LSAMP: variants seen among roughly 807,000 people sequenced by gnomAD.
LSAMP encodes limbic system associated membrane protein.
A neutral mutation model predicts 38.6 loss-of-function variants in LSAMP; 7 were observed. That is an observed-to-expected ratio of 0.18 (90% CI 0.10 to 0.34). LSAMP has a LOEUF of 0.34. Ranked by LOEUF, LSAMP falls within the 10% of genes least tolerant of loss-of-function variation. LSAMP has a pLI of 1.00. For missense variants in LSAMP, 313 were observed against 420.0 expected, an observed-to-expected ratio of 0.75 and a Z score of 2.23; for synonymous variants, 154 against 166.8, an observed-to-expected ratio of 0.92 and a Z score of 0.59.
At chr3:116,290,738 AAT>A (rs2047254611) in intron 1 of LSAMP, among the ~76,000 whole-genome samples, 6 of 48,186 alleles carry the variant, frequency 1.2e-4, no homozygotes, top group Non-Finnish European at 2.0e-4. Context: ...TCACAAAAAT[AAT>A]AATAATAATA....
At chr3:116,270,198 C>A (rs997170028) in intron 1 of LSAMP, among the ~76,000 whole-genome samples, 1 of 152,050 alleles carries the variant, frequency 6.6e-6, no homozygotes, top group Non-Finnish European at 1.5e-5. Flanking sequence ...TGTCATTGGT[C>A]AATTAGTCAC....
intron 1 of LSAMP, among the ~76,000 whole-genome samples, chr3:116,437,448 A>C (rs773004898): frequency 2.6e-5 from 4 of 152,162 alleles, no homozygotes; most frequent in Non-Finnish European, 5.9e-5. Context: ...AAGTGGAGGA[A>C]GGAAAACCCA....
intron 3 of LSAMP, among the ~76,000 whole-genome samples, chr3:115,994,783 AC>A (rs2107648255): frequency 6.6e-6 from 1 of 152,192 alleles, no homozygotes; most frequent in South Asian, 2.1e-4. Context: ...TAATCTGTGG[AC>A]TCAAAAGAAA....
At chr3:116,400,496 G>A (rs2048825035) in intron 1 of LSAMP, among the ~76,000 whole-genome samples, 1 of 114,078 alleles carries the variant, frequency 8.8e-6, no homozygotes, top group Non-Finnish European at 1.7e-5. Context: ...TTTCTTTCTT[G>A]AGGTGGAGTT....
chr3:115,842,320 A>C, intron 5 of LSAMP, 138 bp downstream of exon 5: 35 of 1,196,570 alleles, frequency 2.9e-5, no homozygotes, highest in Non-Finnish European at 4.0e-5. Context: ...GAATTTGATA[A>C]GAGATACTAA....
rs754156837 is a variant in LSAMP at position 116,086,521 on chromosome 3, C to A, written c.191G>T (p.Trp64Leu). The A allele has an allele frequency of 6.2e-7, 1 of 1,614,158 alleles. No homozygotes were observed. The highest frequency in any genetic ancestry group is 8.5e-7 in the Non-Finnish European group (1 of 1,180,022). Residue 64 changes from tryptophan to leucine, a missense_variant, in exon 2 of 7, where the codon TGG becomes TTG. Physicochemically the swap from Trp to Leu is moderately conservative, Grantham distance 61 (BLOSUM62 -2). Coordinates refer to ENST00000490035, the MANE Select transcript of LSAMP (RefSeq NM_002338.5). ...VVEDKNSKVA[W>L]LNRSGIIFAG... ...AAAAATGATGCCAGAACGGTTCAAC[C>A]AGGCCACCTTTGAGTTCTTGTCTTC...
intron 1 of LSAMP, among the ~76,000 whole-genome samples, chr3:116,288,734 TG>T (rs1038479114): frequency 6.6e-6 from 1 of 152,214 alleles, no homozygotes; most frequent in African/African-American, 2.4e-5. Flanking sequence ...TTCATTTTCC[TG>T]GCATAGACAG....
intron 6 of LSAMP, among the ~76,000 whole-genome samples, chr3:115,838,776 A>G (rs944515438): frequency 1.1e-4 from 16 of 152,222 alleles, no homozygotes; most frequent in South Asian, 2.1e-4. Flanking sequence ...GGAGATCAGT[A>G]TTTGAATAGA....
intron 3 of LSAMP, among the ~76,000 whole-genome samples, chr3:115,854,284 T>TTTTTTTTTA (rs1935433869): frequency 1.2e-5 from 1 of 85,042 alleles, no homozygotes; most frequent in African/African-American, 5.3e-5. Flanking sequence ...TTATTATTAT[T>TTTTTTTTTA]TTTTTTTTTT....
At chr3:115,830,076 C>G (rs1271260716) in intron 6 of LSAMP, among the ~76,000 whole-genome samples, 1 of 152,146 alleles carries the variant, frequency 6.6e-6, no homozygotes, top group Non-Finnish European at 1.5e-5. Flanking sequence ...TCCCATTTCA[C>G]AGTTGGAAAA....
intron 1 of LSAMP, among the ~76,000 whole-genome samples, chr3:116,155,233 G>GT (rs950397593): frequency 1.5e-4 from 23 of 151,220 alleles, no homozygotes; most frequent in South Asian, 1.0e-3. Context: ...GTTTTGTTTT[G>GT]TTTTTTTTGA....
chr3:116,075,551 T>TG (rs1028494530), intron 2 of LSAMP, among the ~76,000 whole-genome samples: 16 of 151,490 alleles, frequency 1.1e-4, no homozygotes, highest in African/African-American at 3.9e-4. Flanking sequence ...TATCGTTTTT[T>TG]TTTTTTTTTA....
chr3:116,113,734 A>G (rs923079281), intron 1 of LSAMP, among the ~76,000 whole-genome samples: 6 of 151,986 alleles, frequency 3.9e-5, no homozygotes, highest in Non-Finnish European at 5.9e-5. Flanking sequence ...CCTTTGCCCT[A>G]TATTTTATGA....
intron 3 of LSAMP, among the ~76,000 whole-genome samples, chr3:116,010,224 TCA>T (rs984951839): frequency 1.3e-5 from 2 of 152,196 alleles, no homozygotes; most frequent in African/African-American, 4.8e-5. Context: ...GCCCAACATT[TCA>T]CAGTGTTTTC....
At chr3:116,071,427 A>T (rs1008070559) in intron 2 of LSAMP, among the ~76,000 whole-genome samples, 2 of 151,964 alleles carry the variant, frequency 1.3e-5, no homozygotes, top group African/African-American at 4.8e-5. Context: ...ATAAATTTCT[A>T]CCTGTAAAGC....
intron 1 of LSAMP, among the ~76,000 whole-genome samples, chr3:116,087,774 A>T (rs1708024069): frequency 6.6e-6 from 1 of 152,236 alleles, no homozygotes; most frequent in Non-Finnish European, 1.5e-5. Context: ...ATAAAGGCCA[A>T]CTGTGTCTCT....
intron 1 of LSAMP, among the ~76,000 whole-genome samples, chr3:116,206,910 T>A (rs926727723): frequency 6.6e-6 from 1 of 150,556 alleles, no homozygotes; most frequent in Admixed American, 6.6e-5. Context: ...TCTGTAGATG[T>A]CTATTAGGTC....
intron 3 of LSAMP, among the ~76,000 whole-genome samples, chr3:115,944,638 A>T (rs1281383426): frequency 6.6e-6 from 1 of 152,172 alleles, no homozygotes; most frequent in East Asian, 1.9e-4. Context: ...TATTTTATAA[A>T]TTATCTTAGT....
chr3:116,334,462 C>G (rs1054706899), intron 1 of LSAMP, among the ~76,000 whole-genome samples: 4 of 152,016 alleles, frequency 2.6e-5, no homozygotes, highest in African/African-American at 4.8e-5. Context: ...AGACCAACAT[C>G]CCTTATGAAC....
Sources: gnomAD v4.1 joint callset for allele counts (sites outside exome capture counted in the v4.1 genomes callset) on GRCh38, gnomAD v4.1.1 for gene constraint, MANE v1.5 for transcripts, NCBI Gene and HGNC (gene_info 2026-07-23, HGNC 2026-07-21) for gene names.